The following P2RX2 variants were observed in gnomAD, a reference collection of about 807,000 sequenced individuals.
The protein encoded by P2RX2 is P2X purinoceptor 2.
In P2RX2, 50 loss-of-function variants were observed where a neutral mutation model predicts 54.8. That is an observed-to-expected ratio of 0.91 (90% CI 0.73 to 1.15). The LOEUF (loss-of-function observed/expected upper bound fraction) is 1.15. Among genes scored for constraint, P2RX2 ranks in the 50% most tolerant of loss-of-function variants. The pLI, the probability that P2RX2 is intolerant of heterozygous loss-of-function variation, is 0.00. For missense variants in P2RX2, 658 were observed against 633.2 expected (o/e 1.04, Z -0.42); for synonymous variants, 289 against 259.4 (o/e 1.11, Z -1.09).
chr12:132,621,089 T>C lies in P2RX2; in HGVS notation c.863T>C (p.Leu288Pro). 6.2e-7 allele frequency: 1 copy of C among 1,614,172 alleles called. No individual in the cohort carries two copies. Among genetic ancestry groups the C allele is most frequent in the South Asian group, 1.1e-5 (1 of 91,088 alleles). Reference sequence around the variant, plus strand: ...AACCCCAAGTACTCCTTCCGGAGGCTTGACCCCAAGCACGTGCCTGCCTCG... The same window carrying C: ...AACCCCAAGTACTCCTTCCGGAGGCCTGACCCCAAGCACGTGCCTGCCTCG... ...ECNPKYSFRR[L>P]DPKHVPASSG... The change falls in exon 8 of 11, where the codon CTT becomes CCT. Residue 288 changes from leucine (L) to proline (P), a missense_variant. Leu to Pro is a moderately conservative substitution (Grantham distance 98). Coordinates refer to ENST00000643471, the MANE Select transcript of P2RX2 (RefSeq NM_170682.4).
Position 132,621,768 on chromosome 12 carries a change from C to A in P2RX2, c.1212C>A (p.Pro404=). Reference sequence around the variant, plus strand: ...CCCGTGTATTGGGCCAGGCCCCTCCCGAACCCGGCCACCGCTCCGAGGACC... The same window carrying A: ...CCCGTGTATTGGGCCAGGCCCCTCCAGAACCCGGCCACCGCTCCGAGGACC... ...TLARVLGQAP[P]EPGHRSEDQH... The change falls in exon 11 of 11, where the codon CCC becomes CCA. Residue 404 remains proline (P), a synonymous_variant. Transcript: ENST00000643471. 6.2e-7 allele frequency: 1 copy of A among 1,601,044 alleles called. No homozygotes were observed. Among genetic ancestry groups the A allele is most frequent in the South Asian group, 1.1e-5 (1 of 89,196 alleles).
At chr12:132,619,314 C>T (rs1022867214) in intron 1 of P2RX2, 125 bp from the exon 2 acceptor site, 6 of 1,013,232 alleles carry the variant, frequency 5.9e-6, no homozygotes, top group African/African-American at 3.5e-5. Context: ...GGACCGAGGG[C>T]GCGGGGCAGG....
chr12:132,620,644 G>T (rs2041624046), intron 7 of P2RX2, 61 bp downstream of exon 7: 2 of 1,553,656 alleles, frequency 1.3e-6, no homozygotes, highest in African/African-American at 2.7e-5. Flanking sequence ...GAGAGGGCCT[G>T]GGGTACAGGG....
chr12:132,620,883 T>C, intron 7 of P2RX2, 118 bp from the exon 8 acceptor site: 1 of 712,800 alleles, frequency 1.4e-6, no homozygotes, highest in Non-Finnish European at 1.8e-6. Context: ...TGACCCGGGC[T>C]CTCGAGGGGC....
Position 132,619,538 on chromosome 12 carries a change from A to C in P2RX2, c.273A>C (p.Lys91Asn), listed in dbSNP as rs780392555. 6.2e-7 allele frequency: 1 copy of C among 1,611,964 alleles called. No homozygotes were observed. Among genetic ancestry groups the C allele is most frequent in the Non-Finnish European group, 8.5e-7 (1 of 1,179,204 alleles). The change falls in exon 2 of 11, where the codon AAA (lysine) becomes AAC (asparagine). Residue 91 changes from lysine (K) to asparagine (N), a missense_variant. Physicochemically the swap from Lys to Asn is moderately conservative, Grantham distance 94. Transcript: ENST00000643471. ...AGGGGATCACCACGTCCGAGCACAA[A>C]GTGTGGGACGTGGAGGAGTACGTGA... ...KVKGITTSEH[K>N]VWDVEEYVKP...
chr12:132,619,289 C>T, intron 1 of P2RX2, 150 bp from the exon 2 acceptor site: 2 of 647,016 alleles, frequency 3.1e-6, no homozygotes, highest in South Asian at 3.5e-5. Context: ...GGGCGCGGGG[C>T]AGGGGCTGGG....
Position 132,620,898 on chromosome 12 carries a change from CGTGT to C in P2RX2, c.775-101_775-98del. ...TGACCCGGGCTCTCGAGGGGCCTCT[CGTGT>C]GCCCTTGTGACCCCCTTCCCTGGCC... On this transcript the variant is annotated intron_variant, in intron 7 of 10. Coordinates refer to ENST00000643471, the MANE Select transcript of P2RX2 (RefSeq NM_170682.4). The C allele has an allele frequency of 4.9e-5, 13 of 267,590 alleles. 4 individuals are homozygous for C. Among genetic ancestry groups the C allele is most frequent in the South Asian group, 2.3e-4 (3 of 13,260 alleles). 16.6% of individuals were successfully genotyped at this position (267,590 alleles called of 1,614,324 possible). A position where few individuals can be genotyped will look rare whatever the true frequency, so the allele number is the denominator to read the frequency against.
chr12:132,618,848 G>A lies in P2RX2; in HGVS notation c.32G>A (p.Gly11Glu). 1 of 1,358,280 alleles carries A rather than the reference G, an allele frequency of 7.4e-7. No homozygotes were observed. The highest frequency in any genetic ancestry group is 2.0e-5 in the South Asian group (1 of 49,048). 84.1% of individuals were successfully genotyped at this position (1,358,280 alleles called of 1,614,324 possible). Reference protein sequence around the residue: MAAAQPKYPAGATARRLARGC... With the variant: MAAAQPKYPAEATARRLARGC... ...GCCGCCCAGCCCAAGTACCCCGCCGGGGCGACCGCCCGGCGCCTGGCCCGG... is the reference window on the plus strand; with the variant it reads ...GCCGCCCAGCCCAAGTACCCCGCCGAGGCGACCGCCCGGCGCCTGGCCCGG... The change falls in exon 1 of 11, where the codon GGG (glycine) becomes GAG (glutamate). Residue 11 changes from glycine to glutamate, a missense_variant. Physicochemically the swap from Gly to Glu is moderately conservative, Grantham distance 98 (BLOSUM62 -2). Transcript: ENST00000643471.
intron 7 of P2RX2, 133 bp downstream of exon 7, chr12:132,620,716 T>C (rs1439869691): frequency 9.0e-7 from 1 of 1,108,234 alleles, no homozygotes; most frequent in Non-Finnish European, 1.3e-6. Flanking sequence ...AGAAATGCGA[T>C]CAGCGCAACC....
rs776765359 is a variant in P2RX2, at chr12:132,621,788, A to T, written c.1232A>T (p.Glu411Val). ...CCTCCCGAACCCGGCCACCGCTCCGAGGACCAGCACCCCAGCCCTCCATCA... is the reference window on the plus strand; with the variant it reads ...CCTCCCGAACCCGGCCACCGCTCCGTGGACCAGCACCCCAGCCCTCCATCA... ...QAPPEPGHRSEDQHPSPPSGQ... is the reference protein window; with the variant it reads ...QAPPEPGHRSVDQHPSPPSGQ... The change falls in exon 11 of 11, where the codon GAG (glutamate) becomes GTG (valine). Residue 411 changes from glutamate to valine, a missense_variant. Physicochemically the swap from Glu to Val is moderately radical, Grantham distance 121 (BLOSUM62 -2). Transcript: ENST00000643471. The T allele has an allele frequency of 6.9e-6, 11 of 1,602,114 alleles. No homozygotes were observed. Among genetic ancestry groups the T allele is most frequent in the Admixed American group, 1.7e-5 (1 of 59,294 alleles).
rs1279125378 is a variant in P2RX2, at chr12:132,621,683, A to C, written c.1127A>C (p.Lys376Thr). ...FMNKNKVYSH[K>T]KFDKVCTPSH... ...AACAAAAACAAGGTCTACAGCCATAAGAAATTTGACAAGGTGTGTACGCCG... is the reference window on the plus strand; with the variant it reads ...AACAAAAACAAGGTCTACAGCCATACGAAATTTGACAAGGTGTGTACGCCG... The change falls in exon 11 of 11, where the codon AAG becomes ACG. Residue 376 changes from lysine to threonine, a missense_variant. Lys to Thr is a moderately conservative substitution (Grantham distance 78). Coordinates refer to ENST00000643471, the MANE Select transcript of P2RX2 (RefSeq NM_170682.4). 1 of 1,613,832 alleles carries C rather than the reference A, an allele frequency of 6.2e-7. No homozygotes were observed. The highest frequency in any genetic ancestry group is 8.5e-7 in the Non-Finnish European group (1 of 1,179,910).
rs748770008 is a variant in P2RX2 at position 132,619,014 on chromosome 12, CGCGGGGT to C, written c.173+32_173+38del. On this transcript the variant is annotated intron_variant, in intron 1 of 10. Transcript: ENST00000643471. ...GGTGCGCGGGGCGCGGGGTGCGGGGCGCGGGGTGCGGGGCGCAGGGGAGGGGCTGGGA... is the reference window on the plus strand; with the variant it reads ...GGTGCGCGGGGCGCGGGGTGCGGGGCGCGGGGCGCAGGGGAGGGGCTGGGA... 39 of 1,089,816 alleles carry C rather than the reference CGCGGGGT, an allele frequency of 3.6e-5. 1 individual carries two copies. Among genetic ancestry groups the C allele is most frequent in the Non-Finnish European group, 4.5e-5 (39 of 870,036 alleles). The allele number at this position is 1,089,816 out of a possible 1,614,324, so 67.5% of individuals were successfully genotyped here.
Position 132,620,015 on chromosome 12 carries a change from G to T in P2RX2, c.473G>T (p.Arg158Leu). ...DMLGNGLRTGRCVPYYQGPSK... is the reference protein window; with the variant it reads ...DMLGNGLRTGLCVPYYQGPSK... ...TGCCTCCCAGGCCTGAGGACTGGGC[G>T]CTGTGTGCCCTATTACCAGGGGCCC... Residue 158 changes from arginine (R) to leucine (L), a missense_variant, in exon 5 of 11, where the codon CGC (arginine) becomes CTC (leucine). Transcript: ENST00000643471. 2 of 1,585,104 alleles carry T rather than the reference G, an allele frequency of 1.3e-6. No individual in the cohort carries two copies. The highest frequency in any genetic ancestry group is 8.6e-7 in the Non-Finnish European group (1 of 1,167,320).
In P2RX2 at chr12:132,622,035, G is replaced by C; in HGVS notation, c.*63G>C. 6.2e-7 allele frequency: 1 copy of C among 1,604,414 alleles called. No individual in the cohort carries two copies. Among genetic ancestry groups the C allele is most frequent in the Non-Finnish European group, 8.5e-7 (1 of 1,176,160 alleles). The stretch of plus-strand genomic sequence containing the variant: ...GTGGGGCCAGAGAGTCCCCAGCTAG[G>C]GACCTGCACGTGGACGTGGGCACCT... On this transcript the variant is annotated 3_prime_UTR_variant, in exon 11 of 11. Transcript: ENST00000643471.
chr12:132,621,732 T>C lies in P2RX2; in HGVS notation c.1176T>C (p.Pro392=), dbSNP rs189869132. 7.5e-5 allele frequency: 121 copies of C among 1,610,910 alleles called. No individual in the cohort carries two copies. The Admixed American group carries it at 1.4e-3, about 18-fold the overall frequency. Residue 392 remains proline (P), a synonymous_variant, in exon 11 of 11, where the codon CCT becomes CCC. Transcript: ENST00000643471. The stretch of plus-strand genomic sequence containing the variant: ...CGAGCCACCCCTCAGGTAGCTGGCC[T>C]GTGACCCTTGCCCGTGTATTGGGCC... ...CTPSHPSGSW[P]VTLARVLGQA...
chr12:132,622,298 C>A lies in P2RX2; in HGVS notation c.*326C>A, dbSNP rs1322769467. On this transcript the variant is annotated 3_prime_UTR_variant, in exon 11 of 11. Coordinates refer to ENST00000643471, the MANE Select transcript of P2RX2 (RefSeq NM_170682.4). Reference sequence around the variant, plus strand: ...CTTGGGCCCTGGGAACCCCACCCCACCCCACCCCACAGGCGTTGTAACCTT... The same window carrying A: ...CTTGGGCCCTGGGAACCCCACCCCAACCCACCCCACAGGCGTTGTAACCTT... 6 of 1,123,350 alleles carry A rather than the reference C, an allele frequency of 5.3e-6. No homozygotes were observed. Among genetic ancestry groups the A allele is most frequent in the Non-Finnish European group, 5.7e-6 (5 of 869,604 alleles). 69.6% of individuals were successfully genotyped at this position (1,123,350 alleles called of 1,614,324 possible).
rs914700235 is a variant in P2RX2 at position 132,622,284 on chromosome 12, G to A, written c.*312G>A. On this transcript the variant is annotated 3_prime_UTR_variant, in exon 11 of 11. Coordinates refer to ENST00000643471, the MANE Select transcript of P2RX2 (RefSeq NM_170682.4). ...GCTCTGCTCCCGGTCTTGGGCCCTGGGAACCCCACCCCACCCCACCCCACA... is the reference window on the plus strand; with the variant it reads ...GCTCTGCTCCCGGTCTTGGGCCCTGAGAACCCCACCCCACCCCACCCCACA... The A allele has an allele frequency of 2.4e-6, 3 of 1,256,814 alleles. No individual in the cohort carries two copies. The highest frequency in any genetic ancestry group is 3.0e-4 in the Middle Eastern group (1 of 3,302). The allele number at this position is 1,256,814 out of a possible 1,614,324, so 77.9% of individuals were successfully genotyped here. A position where few individuals can be genotyped will look rare whatever the true frequency, so the allele number is the denominator to read the frequency against.
chr12:132,620,888 AGGGGCC>A lies in P2RX2; in HGVS notation c.775-112_775-107del. 4.2e-5 allele frequency: 23 copies of A among 543,102 alleles called. 1 individual carries two copies. The highest frequency in any genetic ancestry group is 3.9e-4 in the East Asian group (3 of 7,784). The allele number at this position is 543,102 out of a possible 1,614,324, so 33.6% of individuals were successfully genotyped here. On this transcript the variant is annotated intron_variant, in intron 7 of 10. Transcript: ENST00000643471. ...AGCCTGGGACTGACCCGGGCTCTCG[AGGGGCC>A]TCTCGTGTGCCCTTGTGACCCCCTT...
At chr12:132,619,779 C>G in intron 3 of P2RX2, 29 bp downstream of exon 3, 3 of 1,610,150 alleles carry the variant, frequency 1.9e-6, no homozygotes, top group Non-Finnish European at 2.5e-6. Context: ...GCTGGGGGAC[C>G]CCGCCTCAGC....
Sources: allele counts gnomAD v4.1 joint callset, GRCh38; gene constraint gnomAD v4.1.1; transcripts MANE v1.5; gene names NCBI Gene and HGNC (gene_info 2026-07-23, HGNC 2026-07-21).